The following EFCAB6 variants were observed in gnomAD, a reference collection of about 807,000 sequenced individuals.
EFCAB6 encodes EF-hand calcium-binding domain-containing protein 6.
In EFCAB6, 156 loss-of-function variants were observed where a neutral mutation model predicts 169.8. The observed-to-expected ratio is 0.92, with a 90% confidence interval of 0.81 to 1.05. EFCAB6 has a LOEUF of 1.05. EFCAB6 is among the 50% of genes least tolerant of loss of function. The pLI is 0.00. For missense variants in EFCAB6, 1,800 were observed against 1,829.1 expected, an observed-to-expected ratio of 0.98 and a Z score of 0.29; for synonymous variants, 698 against 676.4, an observed-to-expected ratio of 1.03 and a Z score of -0.50.
At chr22:43,539,093 C>T (rs1244290908) in intron 28 of EFCAB6, among the ~76,000 whole-genome samples, 1 of 152,132 alleles carries the variant, frequency 6.6e-6, no homozygotes, top group Non-Finnish European at 1.5e-5. Flanking sequence ...CCTCTGGATT[C>T]CCAGTTAAAG....
intron 16 of EFCAB6, among the ~76,000 whole-genome samples, chr22:43,667,625 A>G (rs1326678599): frequency 6.6e-6 from 1 of 152,182 alleles, no homozygotes; most frequent in East Asian, 1.9e-4. Flanking sequence ...TTGAAAAAGG[A>G]TATTTTTTGT....
chr22:43,732,364 G>A (rs1240396593), intron 7 of EFCAB6, among the ~76,000 whole-genome samples: 2 of 152,074 alleles, frequency 1.3e-5, no homozygotes, highest in African/African-American at 2.4e-5. Context: ...ATGGGTGGAG[G>A]AGGCAAAGTT....
chr22:43,607,146 C>T (rs1234406380), intron 22 of EFCAB6, among the ~76,000 whole-genome samples: 1 of 152,198 alleles, frequency 6.6e-6, no homozygotes, highest in African/African-American at 2.4e-5. Flanking sequence ...AAGGGAGCAG[C>T]CCTACCCTTC....
intron 2 of EFCAB6, among the ~76,000 whole-genome samples, chr22:43,785,338 C>A (rs1243936038): frequency 6.6e-6 from 1 of 152,008 alleles, no homozygotes; most frequent in African/African-American, 2.4e-5. Flanking sequence ...TAATCTCCAA[C>A]CATACAGAAT....
chr22:43,595,689 C>T (rs1221032889), intron 23 of EFCAB6, among the ~76,000 whole-genome samples: 1 of 152,108 alleles, frequency 6.6e-6, no homozygotes, highest in African/African-American at 2.4e-5. Flanking sequence ...CTAATACCAA[C>T]TCTACCCAAA....
chr22:43,616,703 C>T (rs1040975149), intron 20 of EFCAB6, among the ~76,000 whole-genome samples: 2 of 152,144 alleles, frequency 1.3e-5, no homozygotes, highest in Non-Finnish European at 2.9e-5. Context: ...ATCATATTTA[C>T]TCACAGGATG....
chr22:43,551,001 A>G (rs2048349511), intron 27 of EFCAB6, among the ~76,000 whole-genome samples: 1 of 152,204 alleles, frequency 6.6e-6, no homozygotes, highest in South Asian at 2.1e-4. Flanking sequence ...AAGTCAAGAA[A>G]GCTGGCCCCT....
chr22:43,780,167 T>C (rs1462155792), intron 3 of EFCAB6, among the ~76,000 whole-genome samples: 1 of 152,068 alleles, frequency 6.6e-6, no homozygotes, highest in East Asian at 1.9e-4. Flanking sequence ...TGAAGGGTAA[T>C]CTGGTGGTAC....
rs1390533359 is a variant in EFCAB6 at position 43,628,734 on chromosome 22, A to T, written c.2233-2055T>A. 6.6e-6 allele frequency among the ~76,000 whole-genome samples: 1 copy of T among 151,940 alleles called. No individual in the cohort carries two copies. Among genetic ancestry groups the T allele is most frequent in the Non-Finnish European group, 1.5e-5 (1 of 67,998 alleles). On this transcript the variant is annotated intron_variant, in intron 19 of 31. Coordinates refer to ENST00000262726, the MANE Select transcript of EFCAB6 (RefSeq NM_022785.4). This position sits in a 1 kb window ranked among gnomAD's most constrained non-coding sequence, Gnocchi z 4.8. Reference sequence around the variant, plus strand: ...GTGTCTGAGTGTCCCCTCTCCAGAGAGGCACTTCCTGACTCCTCTGTACAA... The same window carrying T: ...GTGTCTGAGTGTCCCCTCTCCAGAGTGGCACTTCCTGACTCCTCTGTACAA...
chr22:43,757,083 T>C (rs1382134663), intron 5 of EFCAB6, among the ~76,000 whole-genome samples: 1 of 152,110 alleles, frequency 6.6e-6, no homozygotes, highest in African/African-American at 2.4e-5. Context: ...TTAGCAGAGA[T>C]TGAATTCCTT....
intron 17 of EFCAB6, among the ~76,000 whole-genome samples, chr22:43,648,204 A>G (rs1454702519): frequency 6.6e-6 from 1 of 152,118 alleles, no homozygotes; most frequent in Non-Finnish European, 1.5e-5. Flanking sequence ...TCTCCATTTT[A>G]GGAAAAAGGA....
At chr22:43,750,784 T>G (rs548365999) in intron 6 of EFCAB6, among the ~76,000 whole-genome samples, 3 of 152,226 alleles carry the variant, frequency 2.0e-5, no homozygotes, top group Non-Finnish European at 4.4e-5. Context: ...TAAATGTCTT[T>G]TTAAAGAAAA....
At chr22:43,645,214 C>T (rs545434858) in intron 17 of EFCAB6, among the ~76,000 whole-genome samples, 3 of 152,336 alleles carry the variant, frequency 2.0e-5, no homozygotes, top group Admixed American at 1.3e-4. Flanking sequence ...AATTCACTTA[C>T]ACCTCCTGCC....
intron 13 of EFCAB6, among the ~76,000 whole-genome samples, chr22:43,675,255 T>G (rs1336657231): frequency 2.1e-5 from 3 of 142,612 alleles, no homozygotes; most frequent in Non-Finnish European, 3.0e-5. Context: ...ATATATTATG[T>G]GTATATAATA....
In EFCAB6 at chr22:43,632,301, T is replaced by C. The variant is rs1018383352; in HGVS notation, c.2099-63A>G. On this transcript the variant is annotated intron_variant, in intron 18 of 31. Transcript: ENST00000262726. ...CCATCAGCTTCATTCCTTCTTTTTT[T>C]TTTTTTTTTTTTTTTGAGACGGAGT... 5.2e-6 allele frequency: 6 copies of C among 1,147,116 alleles called. No individual in the cohort carries two copies. The South Asian group carries it at 6.3e-5, about 12-fold the overall frequency. The allele number at this position is 1,147,116 out of a possible 1,614,324, so 71.1% of individuals were successfully genotyped here. A position where few individuals can be genotyped will look rare whatever the true frequency, so the allele number is the denominator to read the frequency against.
chr22:43,686,135 C>A (rs1487116399), intron 11 of EFCAB6, among the ~76,000 whole-genome samples: 1 of 152,138 alleles, frequency 6.6e-6, no homozygotes, highest in Non-Finnish European at 1.5e-5. Flanking sequence ...GCTTGCGCCA[C>A]CACGCCTGGC....
At chr22:43,809,895 C>T (rs181617211) in intron 1 of EFCAB6, among the ~76,000 whole-genome samples, 23 of 152,180 alleles carry the variant, frequency 1.5e-4, no homozygotes, top group Non-Finnish European at 2.4e-4. Flanking sequence ...CATGAGCCAC[C>T]GCGCACAGCC....
chr22:43,541,830 C>T (rs553782008), intron 27 of EFCAB6, among the ~76,000 whole-genome samples: 1 of 152,338 alleles, frequency 6.6e-6, no homozygotes, highest in East Asian at 1.9e-4. Flanking sequence ...CTGGAAGCTC[C>T]CTGCAGGGTC....
intron 8 of EFCAB6, among the ~76,000 whole-genome samples, chr22:43,727,529 C>G (rs1344144276): frequency 6.6e-6 from 1 of 152,052 alleles, no homozygotes; most frequent in African/African-American, 2.4e-5. Flanking sequence ...AGTGAACAGA[C>G]AGGAAATCTC....
Sources: gnomAD v4.1 joint callset for allele counts (sites outside exome capture counted in the v4.1 genomes callset) on GRCh38, gnomAD v4.1.1 for gene constraint, Gnocchi (gnomAD v3.1) non-coding constraint, MANE v1.5 for transcripts, NCBI Gene and HGNC (gene_info 2026-07-23, HGNC 2026-07-21) for gene names.